The following AUTS2 variants were observed in gnomAD, a reference collection of about 807,000 sequenced individuals.
The protein encoded by AUTS2 is autism susceptibility gene 2 protein.
AUTS2 carries 17 observed loss-of-function variants against 112.4 expected under a neutral mutation model. That is an observed-to-expected ratio of 0.15 (90% CI 0.10 to 0.23). The LOEUF (loss-of-function observed/expected upper bound fraction) is 0.23, where lower values mean the gene tolerates loss of function less well. Among genes scored for constraint, AUTS2 ranks in the 10% least tolerant of loss-of-function variants. The pLI is 1.00. For synonymous variants in AUTS2, 751 were observed against 702.7 expected (o/e 1.07, Z -1.09); for missense variants, 1,510 against 1,701.6 (o/e 0.89, Z 1.98).
intron 4 of AUTS2, among the ~76,000 whole-genome samples, chr7:70,412,086 G>A (rs1794804471): frequency 6.6e-6 from 1 of 151,902 alleles, no homozygotes; most frequent in South Asian, 2.1e-4. Context: ...GTGGAGTTGA[G>A]GTTTCACCAT....
At chr7:70,246,670 G>T (rs75874372) in intron 4 of AUTS2, among the ~76,000 whole-genome samples, 15,192 of 151,636 alleles carry the variant, frequency 0.1, 805 homozygotes, top group Admixed American at 0.13. Flanking sequence ...ACACATTGGT[G>T]ACTCTTGTCT....
intron 5 of AUTS2, among the ~76,000 whole-genome samples, chr7:70,494,753 A>G (rs1388840840): frequency 6.6e-6 from 1 of 152,170 alleles, no homozygotes; most frequent in Non-Finnish European, 1.5e-5. Context: ...TTAGTTTTGA[A>G]AATCAAACAA....
chr7:69,863,751 C>T (rs1793094387), intron 1 of AUTS2, among the ~76,000 whole-genome samples: 1 of 152,172 alleles, frequency 6.6e-6, no homozygotes, highest in African/African-American at 2.4e-5. Flanking sequence ...GGCAGCCCTG[C>T]CCCAGAGCTG....
chr7:69,830,339 C>T (rs575269591), intron 1 of AUTS2, among the ~76,000 whole-genome samples: 1 of 152,168 alleles, frequency 6.6e-6, no homozygotes, highest in African/African-American at 2.4e-5. Context: ...CCATGGCACA[C>T]GTATACCTAT....
At position 70,502,479 on chromosome 7, in the gene AUTS2, G is replaced by A. The variant is rs188459793; in HGVS notation, c.690+66698G>A. 2.8e-3 allele frequency among the ~76,000 whole-genome samples: 431 copies of A among 152,280 alleles called. 1 individual carries two copies. Among genetic ancestry groups the A allele is most frequent in the Admixed American group, 7.1e-3 (109 of 15,306 alleles). On this transcript the variant is annotated intron_variant, in intron 5 of 18. Coordinates refer to ENST00000342771, the MANE Select transcript of AUTS2 (RefSeq NM_015570.4). Reference sequence around the variant, plus strand: ...ATAGTTGGTGAGTATAGTCCTGAAGGCAGTGAACTGTGATGGAATCAAGGA... The same window carrying A: ...ATAGTTGGTGAGTATAGTCCTGAAGACAGTGAACTGTGATGGAATCAAGGA...
chr7:69,705,151 G>A (rs547270453), intron 1 of AUTS2, among the ~76,000 whole-genome samples: 223 of 152,378 alleles, frequency 1.5e-3, no homozygotes, highest in African/African-American at 5.1e-3. Flanking sequence ...ACAGGCGTGA[G>A]CCATTGTGCC....
chr7:70,064,097 C>T (rs1333056538), intron 2 of AUTS2, among the ~76,000 whole-genome samples: 1 of 152,144 alleles, frequency 6.6e-6, no homozygotes, highest in South Asian at 2.1e-4. Context: ...GCTTAAGGAG[C>T]GAAGGATTTG....
At chr7:70,123,305 T>A (rs1470408667) in intron 3 of AUTS2, among the ~76,000 whole-genome samples, 1 of 152,212 alleles carries the variant, frequency 6.6e-6, no homozygotes, top group Non-Finnish European at 1.5e-5. Flanking sequence ...ACAATTAATT[T>A]ATTTTTTTAC....
intron 1 of AUTS2, among the ~76,000 whole-genome samples, chr7:69,690,313 C>T (rs183653628): frequency 1.3e-5 from 2 of 152,158 alleles, no homozygotes; most frequent in Admixed American, 1.3e-4. Context: ...ATGAATTGCT[C>T]TCACTGTCAC....
intron 1 of AUTS2, among the ~76,000 whole-genome samples, chr7:69,808,379 T>TAGAG (rs1230042608): frequency 6.6e-6 from 1 of 152,188 alleles, no homozygotes; most frequent in African/African-American, 2.4e-5. Flanking sequence ...ACACTTAAAA[T>TAGAG]AGAGGACAAC....
intron 2 of AUTS2, among the ~76,000 whole-genome samples, chr7:69,912,877 CTT>C (rs1562964844): frequency 6.6e-6 from 1 of 152,166 alleles, no homozygotes; most frequent in Non-Finnish European, 1.5e-5. Flanking sequence ...TTTCGGTAAA[CTT>C]TTAGATTTAT....
chr7:70,703,342 A>G lies in AUTS2; in HGVS notation c.742+4722A>G, dbSNP rs541031560. 3.9e-5 allele frequency among the ~76,000 whole-genome samples: 6 copies of G among 152,176 alleles called. No individual in the cohort carries two copies. In the South Asian group the frequency reaches 1.2e-3, roughly 32 times the overall value. On this transcript the variant is annotated intron_variant, in intron 6 of 18. Coordinates refer to ENST00000342771, the MANE Select transcript of AUTS2 (RefSeq NM_015570.4). The stretch of plus-strand genomic sequence containing the variant: ...AGACCTCATCTCTACTAAAATTCCA[A>G]AAACCTAGCTGGGGTTGGTAGCGTG...
intron 6 of AUTS2, among the ~76,000 whole-genome samples, chr7:70,709,499 T>G (rs902961697): frequency 9.2e-5 from 14 of 151,956 alleles, no homozygotes; most frequent in Middle Eastern, 3.4e-3. Flanking sequence ...TCACTTGAGG[T>G]CAGGAGTTGG....
chr7:69,840,430 TC>T (rs1791925299), intron 1 of AUTS2, among the ~76,000 whole-genome samples: 1 of 152,190 alleles, frequency 6.6e-6, no homozygotes, highest in Admixed American at 6.5e-5. Flanking sequence ...TGTTAAGTGT[TC>T]CACTAGGAGA....
chr7:70,741,363 A>G (rs1400889726), intron 6 of AUTS2, among the ~76,000 whole-genome samples: 2 of 151,990 alleles, frequency 1.3e-5, no homozygotes, highest in Non-Finnish European at 2.9e-5. Context: ...AACCCAGTAA[A>G]AACAGTAACT....
intron 1 of AUTS2, among the ~76,000 whole-genome samples, chr7:69,776,442 GTC>G (rs1788902800): frequency 6.6e-6 from 1 of 152,156 alleles, no homozygotes; most frequent in Admixed American, 6.5e-5. Context: ...TAGAGATAGT[GTC>G]TCAGTCTGAT....
intron 5 of AUTS2, among the ~76,000 whole-genome samples, chr7:70,475,953 C>G (rs1797566665): frequency 6.6e-6 from 1 of 152,078 alleles, no homozygotes; most frequent in African/African-American, 2.4e-5. Flanking sequence ...TGTTAGAGCC[C>G]AGGAGGTGAA....
At chr7:70,000,221 A>G (rs912223023) in intron 2 of AUTS2, among the ~76,000 whole-genome samples, 1 of 152,206 alleles carries the variant, frequency 6.6e-6, no homozygotes, top group Non-Finnish European at 1.5e-5. Flanking sequence ...GGAACCGTAC[A>G]TAGAATAGAA....
chr7:69,929,457 C>G (rs1237248624), intron 2 of AUTS2, among the ~76,000 whole-genome samples: 1 of 151,816 alleles, frequency 6.6e-6, no homozygotes, highest in African/African-American at 2.4e-5. Context: ...TTCCCCTTCT[C>G]TTCTGCTTTA....
Sources: allele counts gnomAD v4.1 joint callset (sites outside exome capture counted in the v4.1 genomes callset), GRCh38; gene constraint gnomAD v4.1.1; transcripts MANE v1.5; gene names NCBI Gene and HGNC (gene_info 2026-07-23, HGNC 2026-07-21).